Variants in ITCH observed in about 807,000 individuals in gnomAD.
The protein encoded by ITCH is itchy E3 ubiquitin protein ligase, also known as E3 ubiquitin-protein ligase Itchy homolog.
ITCH carries 28 observed loss-of-function variants against 126.8 expected under a neutral mutation model. That is an observed-to-expected ratio of 0.22 (90% CI 0.16 to 0.30). The LOEUF is 0.30. Among genes scored for constraint, ITCH ranks in the 10% least tolerant of loss-of-function variants. ITCH has a pLI of 1.00. For synonymous variants in ITCH, 342 were observed against 340.0 expected, an observed-to-expected ratio of 1.01 and a Z score of -0.06; for missense variants, 631 against 1,032.4, an observed-to-expected ratio of 0.61 and a Z score of 5.33.
chr20:34,366,720 A>G (rs1222547264), intron 1 of ITCH, among the ~76,000 whole-genome samples: 1 of 152,158 alleles, frequency 6.6e-6, no homozygotes, highest in African/African-American at 2.4e-5. Context: ...GAAGGAAAAA[A>G]AAAAGAAATA....
intron 20 of ITCH, among the ~76,000 whole-genome samples, chr20:34,488,880 A>G: frequency 6.6e-6 from 1 of 152,108 alleles, no homozygotes; most frequent in South Asian, 2.1e-4. Flanking sequence ...TCTACATACA[A>G]AACCAAAAAT....
At chr20:34,480,879 T>C (rs951370472) in intron 19 of ITCH, 147 bp downstream of exon 19, 2 of 978,028 alleles carry the variant, frequency 2.0e-6, no homozygotes, top group African/African-American at 3.3e-5. Flanking sequence ...TTCAATATGA[T>C]AAATTTTACA....
chr20:34,432,301 A>G (rs1486217842), intron 7 of ITCH, among the ~76,000 whole-genome samples: 3 of 152,180 alleles, frequency 2.0e-5, no homozygotes, highest in Non-Finnish European at 4.4e-5. Context: ...ATTTAGCTAT[A>G]TAGAAATATA....
At chr20:34,489,518 C>T (rs1464587883) in intron 21 of ITCH, 132 bp downstream of exon 21, 4 of 855,236 alleles carry the variant, frequency 4.7e-6, no homozygotes, top group East Asian at 4.9e-5. Flanking sequence ...TTTGAAACAT[C>T]CCCAATGGTT....
rs367809803 is a variant in ITCH at position 34,376,109 on chromosome 20, G to A, written c.-22+6639G>A. ...TGTGGGCCAAACAAATTACCACTGTGGGCAGAATTTGTCTTGTGGCTTGCT... is the reference window on the plus strand; with the variant it reads ...TGTGGGCCAAACAAATTACCACTGTAGGCAGAATTTGTCTTGTGGCTTGCT... On this transcript the variant is annotated intron_variant, in intron 2 of 24. Coordinates refer to ENST00000374864, the MANE Select transcript of ITCH (RefSeq NM_031483.7). Among the ~76,000 whole-genome samples, 6 of 152,174 alleles carry A rather than the reference G, an allele frequency of 3.9e-5. No homozygotes were observed. In the East Asian group the frequency reaches 1.2e-3, roughly 29 times the overall value.
intron 12 of ITCH, among the ~76,000 whole-genome samples, chr20:34,452,236 T>C (rs76784431): frequency 9.8e-5 from 15 of 152,332 alleles, no homozygotes; most frequent in African/African-American, 2.9e-4. Context: ...CAGAAAAGTC[T>C]TTCCTGCAAG....
At position 34,402,099 on chromosome 20, in the gene ITCH, A is replaced by G. The variant is rs1018126577; in HGVS notation, c.71-6552A>G. 5 of 822,468 alleles carry G rather than the reference A, an allele frequency of 6.1e-6. No homozygotes were observed. The African/African-American group carries it at 8.6e-5, about 14-fold the overall frequency. 50.9% of individuals were successfully genotyped at this position (822,468 alleles called of 1,614,324 possible). A position where few individuals can be genotyped will look rare whatever the true frequency, so the allele number is the denominator to read the frequency against. The stretch of plus-strand genomic sequence containing the variant: ...TTAGTTTGACTTAAACATTGCTTTT[A>G]GTATGATGCCAACACCAGCTATGCA... On this transcript the variant is annotated intron_variant, in intron 3 of 24. Transcript: ENST00000374864.
At chr20:34,461,687 G>A (rs923444559) in intron 13 of ITCH, among the ~76,000 whole-genome samples, 1 of 145,622 alleles carries the variant, frequency 6.9e-6, no homozygotes, top group African/African-American at 2.6e-5. Context: ...CTCCAGCCTG[G>A]GCGACAGTGA....
At chr20:34,505,463 G>T (rs1274190137) in intron 24 of ITCH, among the ~76,000 whole-genome samples, 1 of 151,970 alleles carries the variant, frequency 6.6e-6, no homozygotes, top group Non-Finnish European at 1.5e-5. Flanking sequence ...TTTTTACCCC[G>T]TGTAGCCCTT....
intron 7 of ITCH, among the ~76,000 whole-genome samples, chr20:34,431,682 G>T (rs1177513307): frequency 6.6e-6 from 1 of 152,122 alleles, no homozygotes; most frequent in Non-Finnish European, 1.5e-5. Context: ...GGGATGATGA[G>T]AAGTGGGAGT....
At chr20:34,469,629 C>T (rs994587385) in intron 14 of ITCH, among the ~76,000 whole-genome samples, 5 of 152,064 alleles carry the variant, frequency 3.3e-5, no homozygotes, top group Admixed American at 2.6e-4. Context: ...GCCACTTTCA[C>T]TTAGAGACTT....
intron 1 of ITCH, among the ~76,000 whole-genome samples, chr20:34,368,872 C>G (rs918871335): frequency 6.6e-6 from 1 of 152,132 alleles, no homozygotes; most frequent in Admixed American, 6.6e-5. Context: ...GCCAGATAGC[C>G]GTCATACTCA....
At chr20:34,441,942 A>G (rs1305764784) in intron 9 of ITCH, 6 of 440,048 alleles carry the variant, frequency 1.4e-5, no homozygotes, top group African/African-American at 8.1e-5. Context: ...TCGGTATCCT[A>G]GGTAGACGGA....
intron 1 of ITCH, 94 bp from the exon 2 acceptor site, chr20:34,369,300 T>C: frequency 2.6e-6 from 1 of 388,752 alleles, no homozygotes. Flanking sequence ...GCCACTGCAC[T>C]CTAGCCTGGC....
intron 23 of ITCH, among the ~76,000 whole-genome samples, chr20:34,499,119 C>T (rs958736992): frequency 9.9e-5 from 15 of 151,540 alleles, no homozygotes; most frequent in Admixed American, 5.3e-4. Context: ...GGACTACAGG[C>T]GCCTGCCACC....
At chr20:34,462,671 A>G (rs1199824052) in intron 14 of ITCH, among the ~76,000 whole-genome samples, 1 of 152,208 alleles carries the variant, frequency 6.6e-6, no homozygotes, top group Non-Finnish European at 1.5e-5. Flanking sequence ...GTTCAGTGGC[A>G]TTAAGCACAT....
At chr20:34,434,183 G>A (rs188607509) in intron 7 of ITCH, among the ~76,000 whole-genome samples, 2 of 152,070 alleles carry the variant, frequency 1.3e-5, no homozygotes, top group African/African-American at 4.8e-5. Context: ...AGACTGAGGC[G>A]GGAGGATCAT....
intron 2 of ITCH, among the ~76,000 whole-genome samples, chr20:34,376,070 C>A (rs2037832757): frequency 6.6e-6 from 1 of 152,048 alleles, no homozygotes; most frequent in Non-Finnish European, 1.5e-5. Flanking sequence ...CTTATGAATT[C>A]ATAGTGTAAA....
At chr20:34,369,104 T>G (rs1289296257) in intron 1 of ITCH, among the ~76,000 whole-genome samples, 4 of 151,940 alleles carry the variant, frequency 2.6e-5, no homozygotes, top group Non-Finnish European at 5.9e-5. Context: ...CTGAGGTGGG[T>G]GGATCACGAG....
Sources: gnomAD v4.1 joint callset for allele counts (sites outside exome capture counted in the v4.1 genomes callset) on GRCh38, gnomAD v4.1.1 for gene constraint, MANE v1.5 for transcripts, NCBI Gene and HGNC (gene_info 2026-07-23, HGNC 2026-07-21) for gene names.